Variants in SLC22A23 observed in about 807,000 individuals in gnomAD.
SLC22A23 encodes solute carrier family 22 member 23, also known as ion transporter protein.
SLC22A23 carries 26 observed loss-of-function variants against 61.0 expected under a neutral mutation model. That is an observed-to-expected ratio of 0.43 (90% confidence interval 0.31 to 0.59). The LOEUF is 0.59. Ranked by LOEUF, SLC22A23 falls within the 20% of genes least tolerant of loss-of-function variation. The probability of loss-of-function intolerance (pLI) is 0.11; values close to 1 mark genes in which losing one functional copy is unlikely to be tolerated. For synonymous variants in SLC22A23, 430 were observed against 413.9 expected, an observed-to-expected ratio of 1.04 and a Z score of -0.47; for missense variants, 796 against 934.7, an observed-to-expected ratio of 0.85 and a Z score of 1.94.
chr6:3,340,276 C>G (rs893955427), intron 3 of SLC22A23, among the ~76,000 whole-genome samples: 2 of 152,118 alleles, frequency 1.3e-5, no homozygotes, highest in African/African-American at 4.8e-5. Flanking sequence ...GAGGTACTAT[C>G]TGGAAGAAAT....
At chr6:3,405,006 A>G (rs1768703907) in intron 3 of SLC22A23, among the ~76,000 whole-genome samples, 1 of 152,078 alleles carries the variant, frequency 6.6e-6, no homozygotes, top group Admixed American at 6.6e-5. Flanking sequence ...CATGCCTGTA[A>G]TCCTGGCACT....
chr6:3,323,410 GC>G (rs1763081803), intron 4 of SLC22A23: 1 of 453,200 alleles, frequency 2.2e-6, no homozygotes, highest in Admixed American at 2.4e-5. Context: ...GCTGAAGGTT[GC>G]CCACCCCTCG....
At chr6:3,336,799 CTTTTT>C (rs35612904) in intron 3 of SLC22A23, among the ~76,000 whole-genome samples, 2 of 131,630 alleles carry the variant, frequency 1.5e-5, no homozygotes, top group African/African-American at 2.9e-5. Flanking sequence ...CTGTAGTAGG[CTTTTT>C]TTTTTTTTTT....
At chr6:3,403,655 G>T (rs1419827706) in intron 3 of SLC22A23, among the ~76,000 whole-genome samples, 1 of 152,144 alleles carries the variant, frequency 6.6e-6, no homozygotes, top group African/African-American at 2.4e-5. Context: ...GCACATCTAG[G>T]GGGGTAAGAG....
At chr6:3,339,544 C>G (rs1255881641) in intron 3 of SLC22A23, among the ~76,000 whole-genome samples, 1 of 152,184 alleles carries the variant, frequency 6.6e-6, no homozygotes, top group African/African-American at 2.4e-5. Context: ...CAGGATGAGA[C>G]AGGAGGTCGG....
At chr6:3,315,799 G>T (rs1183691853) in intron 4 of SLC22A23, among the ~76,000 whole-genome samples, 1 of 152,068 alleles carries the variant, frequency 6.6e-6, no homozygotes, top group South Asian at 2.1e-4. Flanking sequence ...AGGAGGCAGA[G>T]CTTGCAGTGA....
intron 9 of SLC22A23, chr6:3,282,232 T>G (rs1381674204): frequency 4.3e-6 from 3 of 702,460 alleles, no homozygotes; most frequent in Non-Finnish European, 7.8e-6. Context: ...TTTCCGTCCT[T>G]TAGACAGGGA....
chr6:3,371,482 G>A (rs1766213236), intron 3 of SLC22A23, among the ~76,000 whole-genome samples: 1 of 152,176 alleles, frequency 6.6e-6, no homozygotes, highest in South Asian at 2.1e-4. Context: ...ATAGCTTGCA[G>A]GCGGCTATGA....
intron 1 of SLC22A23, among the ~76,000 whole-genome samples, chr6:3,445,548 T>C (rs1033609461): frequency 5.9e-5 from 9 of 152,154 alleles, no homozygotes; most frequent in Non-Finnish European, 1.0e-4. Context: ...CAGACATTTA[T>C]GGTGTTAACC....
At chr6:3,442,879 C>T (rs1269048120) in intron 1 of SLC22A23, among the ~76,000 whole-genome samples, 1 of 151,764 alleles carries the variant, frequency 6.6e-6, no homozygotes, top group Non-Finnish European at 1.5e-5. Context: ...TCCTTAACCA[C>T]ACATCTCTGT....
chr6:3,362,368 A>G (rs13209941), intron 3 of SLC22A23, among the ~76,000 whole-genome samples: 52,116 of 139,088 alleles, frequency 0.37, 10,130 homozygotes, highest in African/African-American at 0.46. Context: ...ACACCACTGC[A>G]CTCCAGGCTG....
At position 3,323,914 on chromosome 6, in the gene SLC22A23, C is replaced by A; in HGVS notation, c.1002G>T (p.Gly334=). The A allele has an allele frequency of 6.2e-7, 1 of 1,614,200 alleles. No homozygotes were observed. The highest frequency in any genetic ancestry group is 1.6e-4 in the Middle Eastern group (1 of 6,062). Residue 334 remains glycine (G), a synonymous_variant, in exon 4 of 10, where the codon GGG becomes GGT. Coordinates refer to ENST00000406686, the MANE Select transcript of SLC22A23 (RefSeq NM_015482.2). ...GCCAATCCCGGCACAGGGCGGCTAG[C>A]CCAGGCATGAGGAACTGGCCCGCCA... The part of the protein sequence containing the change: ...VAMAGQFLMP[G]LAALCRDWQV...
chr6:3,294,812 C>G (rs970154435), intron 5 of SLC22A23, among the ~76,000 whole-genome samples: 4 of 152,076 alleles, frequency 2.6e-5, no homozygotes, highest in South Asian at 2.1e-4. Context: ...TTCACACTTG[C>G]TAGGAGATAA....
chr6:3,449,343 C>T (rs1233891883), intron 1 of SLC22A23, among the ~76,000 whole-genome samples: 1 of 152,156 alleles, frequency 6.6e-6, no homozygotes, highest in Non-Finnish European at 1.5e-5. Context: ...TACGTTTCTA[C>T]ATAACAAAAA....
intron 3 of SLC22A23, among the ~76,000 whole-genome samples, chr6:3,403,096 A>C (rs992277282): frequency 3.3e-5 from 5 of 152,004 alleles, no homozygotes; most frequent in African/African-American, 1.2e-4. Flanking sequence ...CTTTTCAATA[A>C]CAGCAAGTCT....
chr6:3,292,256 C>T (rs1341182796), intron 5 of SLC22A23, among the ~76,000 whole-genome samples: 1 of 152,220 alleles, frequency 6.6e-6, no homozygotes, highest in African/African-American at 2.4e-5. Flanking sequence ...CGAGTTCTCC[C>T]ATCCGGCCCT....
chr6:3,374,400 G>T (rs544217395), intron 3 of SLC22A23, among the ~76,000 whole-genome samples: 1 of 152,204 alleles, frequency 6.6e-6, no homozygotes, highest in Non-Finnish European at 1.5e-5. Context: ...ACACATGGAG[G>T]ATGGATCCTG....
rs1455232770 is a variant in SLC22A23 at position 3,414,973 on chromosome 6, C to T, written c.758+779G>A. ...GTGGTGGCTGAGTTTCAAGTTCTGG[C>T]TCTCCAGCTTAAAGCTGAGTGAACT... is the stretch of plus-strand genomic sequence containing the variant. On this transcript the variant is annotated intron_variant, in intron 2 of 9. Transcript: ENST00000406686. The surrounding 1 kb of genome is among the most constrained non-coding windows in gnomAD (Gnocchi z 5.1). 3.3e-5 allele frequency among the ~76,000 whole-genome samples: 5 copies of T among 152,202 alleles called. No homozygotes were observed. Among genetic ancestry groups the T allele is most frequent in the Non-Finnish European group, 7.3e-5 (5 of 68,050 alleles).
intron 3 of SLC22A23, among the ~76,000 whole-genome samples, chr6:3,373,947 T>C (rs1766393810): frequency 6.6e-6 from 1 of 152,176 alleles, no homozygotes; most frequent in African/African-American, 2.4e-5. Context: ...CACGGCAACC[T>C]TGGGAGGCAG....
Sources: gnomAD v4.1 joint callset for allele counts (sites outside exome capture counted in the v4.1 genomes callset) on GRCh38, gnomAD v4.1.1 for gene constraint, Gnocchi (gnomAD v3.1) non-coding constraint, MANE v1.5 for transcripts, NCBI Gene and HGNC (gene_info 2026-07-23, HGNC 2026-07-21) for gene names.